The following ADCY5 variants were observed in gnomAD, a reference collection of about 807,000 sequenced individuals.
The protein encoded by ADCY5 is adenylate cyclase type 5.
In ADCY5, 30 loss-of-function variants were observed where a neutral mutation model predicts 119.7. That is an observed-to-expected ratio of 0.25 (90% CI 0.19 to 0.34). ADCY5 has a LOEUF of 0.34. Ranked by LOEUF, ADCY5 falls within the 10% of genes least tolerant of loss-of-function variation. The probability of loss-of-function intolerance (pLI) is 1.00; values close to 1 mark genes in which losing one functional copy is unlikely to be tolerated. For synonymous variants in ADCY5, 753 were observed against 762.2 expected, an observed-to-expected ratio of 0.99 and a Z score of 0.20; for missense variants, 1,324 against 1,775.2, an observed-to-expected ratio of 0.75 and a Z score of 4.57.
chr3:123,438,979 T>C (rs1314274439), intron 1 of ADCY5, among the ~76,000 whole-genome samples: 1 of 151,560 alleles, frequency 6.6e-6, no homozygotes, highest in African/African-American at 2.4e-5. Context: ...CTCAAACTCC[T>C]GGACTCAAGC....
chr3:123,444,915 CT>C (rs1301771777), intron 1 of ADCY5, among the ~76,000 whole-genome samples: 1 of 152,206 alleles, frequency 6.6e-6, no homozygotes, highest in Admixed American at 6.5e-5. Context: ...TCTTACATGC[CT>C]GCTGTTCTGG....
chr3:123,300,546 T>TGGGTTTCAGGCC (rs1939789634), intron 14 of ADCY5, among the ~76,000 whole-genome samples: 1 of 152,204 alleles, frequency 6.6e-6, no homozygotes, highest in East Asian at 1.9e-4. Flanking sequence ...AGGCCCAGGC[T>TGGGTTTCAGGCC]GCCCTGGGTT....
At chr3:123,331,717 AGTTGAG>A (rs1941771884) in intron 4 of ADCY5, among the ~76,000 whole-genome samples, 1 of 151,928 alleles carries the variant, frequency 6.6e-6, no homozygotes, top group African/African-American at 2.4e-5. Flanking sequence ...TCCCAAAGAT[AGTTGAG>A]AAACAGGGAT....
chr3:123,418,511 A>G (rs1945232253), intron 1 of ADCY5, among the ~76,000 whole-genome samples: 1 of 152,204 alleles, frequency 6.6e-6, no homozygotes, highest in Admixed American at 6.5e-5. Context: ...CATGGCAAAG[A>G]TCAAAGGGGA....
chr3:123,331,987 G>C (rs1576585266), intron 4 of ADCY5, among the ~76,000 whole-genome samples: 1 of 152,204 alleles, frequency 6.6e-6, no homozygotes, highest in Non-Finnish European at 1.5e-5. Flanking sequence ...CAAAGGCCTA[G>C]AGCTGGGAAA....
intron 1 of ADCY5, among the ~76,000 whole-genome samples, chr3:123,408,141 A>C (rs1042147402): frequency 6.6e-6 from 1 of 152,092 alleles, no homozygotes; most frequent in South Asian, 2.1e-4. Flanking sequence ...AAATCTAGAC[A>C]CCAGTTCCAT....
At chr3:123,292,718 G>T (rs1486702754) in intron 17 of ADCY5, among the ~76,000 whole-genome samples, 2 of 152,184 alleles carry the variant, frequency 1.3e-5, no homozygotes, top group Non-Finnish European at 2.9e-5. Flanking sequence ...AAGGCTGGGG[G>T]TGGGGGGTAG....
At chr3:123,391,104 C>A (rs1170386065) in intron 1 of ADCY5, among the ~76,000 whole-genome samples, 1 of 152,212 alleles carries the variant, frequency 6.6e-6, no homozygotes, top group African/African-American at 2.4e-5. Context: ...GGACCAGCTG[C>A]CCAAACAGAC....
intron 13 of ADCY5, among the ~76,000 whole-genome samples, chr3:123,303,623 C>T (rs998461187): frequency 8.5e-5 from 13 of 152,130 alleles, no homozygotes; most frequent in East Asian, 1.9e-4. Context: ...ACCAGCCTGG[C>T]GACCAGCCTG....
chr3:123,323,219 C>T (rs375690076), intron 8 of ADCY5, among the ~76,000 whole-genome samples: 1 of 152,048 alleles, frequency 6.6e-6, no homozygotes, highest in African/African-American at 2.4e-5. Flanking sequence ...CTGGGCAAAG[C>T]GATGAACGCT....
At chr3:123,395,972 A>AAAGG (rs1944532485) in intron 1 of ADCY5, among the ~76,000 whole-genome samples, 1 of 126,230 alleles carries the variant, frequency 7.9e-6, no homozygotes, top group South Asian at 2.7e-4. Flanking sequence ...AGAAAGGAAG[A>AAAGG]AAGGAAGGAA....
At chr3:123,414,768 G>A (rs1328362082) in intron 1 of ADCY5, among the ~76,000 whole-genome samples, 1 of 152,078 alleles carries the variant, frequency 6.6e-6, no homozygotes, top group Non-Finnish European at 1.5e-5. Context: ...CATTGCCCAT[G>A]CTGGTCTCAA....
At chr3:123,429,542 G>A (rs1185866870) in intron 1 of ADCY5, among the ~76,000 whole-genome samples, 1 of 150,316 alleles carries the variant, frequency 6.7e-6, no homozygotes, top group Non-Finnish European at 1.5e-5. Flanking sequence ...TGCCAATCAC[G>A]CAGCATCCTG....
rs1258385064 is a variant in ADCY5 at position 123,449,002 on chromosome 3, G to A, written c.-457C>T. The A allele has an allele frequency of 6.3e-6, 1 of 157,808 alleles. No individual in the cohort carries two copies. Among genetic ancestry groups the A allele is most frequent in the African/African-American group, 2.4e-5 (1 of 41,664 alleles). 9.8% of individuals were successfully genotyped at this position (157,808 alleles called of 1,614,324 possible). On this transcript the variant is annotated 5_prime_UTR_variant, in exon 1 of 21. Coordinates refer to ENST00000462833, the MANE Select transcript of ADCY5 (RefSeq NM_183357.3). Reference sequence around the variant, plus strand: ...CCTAAGCGGAGCCCAGCTGCTCTCGGGGCTCGGCGGCGGCGAGGGCGGCTC... The same window carrying A: ...CCTAAGCGGAGCCCAGCTGCTCTCGAGGCTCGGCGGCGGCGAGGGCGGCTC...
chr3:123,392,202 G>A (rs1192654451), intron 1 of ADCY5, among the ~76,000 whole-genome samples: 1 of 152,216 alleles, frequency 6.6e-6, no homozygotes, highest in African/African-American at 2.4e-5. Flanking sequence ...TTTCTAGAAA[G>A]AAATAGCAAA....
chr3:123,311,120 G>A (rs1325838018), intron 12 of ADCY5, among the ~76,000 whole-genome samples: 1 of 152,238 alleles, frequency 6.6e-6, no homozygotes, highest in Non-Finnish European at 1.5e-5. Context: ...TAGAGAAAGA[G>A]ACTGACACTA....
chr3:123,348,036 A>AGCGTGTGTGTGTGTGTGTGT lies in ADCY5; in HGVS notation c.1285-134_1285-133insACACACACACACACACACGC, dbSNP rs1553732238. 25 of 468,740 alleles carry AGCGTGTGTGTGTGTGTGTGT rather than the reference A, an allele frequency of 5.3e-5. No homozygotes were observed. In the African/African-American group the frequency reaches 6.4e-4, roughly 12 times the overall value. The allele number at this position is 468,740 out of a possible 1,614,324, so 29.0% of individuals were successfully genotyped here. A position where few individuals can be genotyped will look rare whatever the true frequency, so the allele number is the denominator to read the frequency against. On this transcript the variant is annotated intron_variant, in intron 2 of 20. Coordinates refer to ENST00000462833, the MANE Select transcript of ADCY5 (RefSeq NM_183357.3). ...GCTCTCCCGGGACTCCTGGGTTAAC[A>AGCGTGTGTGTGTGTGTGTGT]GTGTGTGTGTGTGTGTGTGTGTGTG...
chr3:123,316,324 G>C (rs1940909929), intron 11 of ADCY5, among the ~76,000 whole-genome samples: 1 of 152,176 alleles, frequency 6.6e-6, no homozygotes. Context: ...CAGATGGGAG[G>C]GGACTGAGGA....
rs147628330 is a variant in ADCY5, at chr3:123,376,294, C to T, written c.1135-23713G>A. Among the ~76,000 whole-genome samples, 39 of 151,806 alleles carry T rather than the reference C, an allele frequency of 2.6e-4. No individual in the cohort carries two copies. The East Asian group carries it at 4.0e-3, about 15-fold the overall frequency. On this transcript the variant is annotated intron_variant, in intron 1 of 20. Transcript: ENST00000462833. ...ACCATCGCTGCCATGATTCCTGCCA[C>T]GCTCCAAAGGCCTGCGTGGAGTCCC...
Sources: allele counts gnomAD v4.1 joint callset (sites outside exome capture counted in the v4.1 genomes callset), GRCh38; gene constraint gnomAD v4.1.1; transcripts MANE v1.5; gene names NCBI Gene and HGNC (gene_info 2026-07-23, HGNC 2026-07-21).